Variants in GAB4 observed in about 807,000 individuals in gnomAD.
The protein encoded by GAB4 is GRB2 associated binding protein family member 4, also known as GRB2-associated-binding protein 4.
A neutral mutation model predicts 51.3 loss-of-function variants in GAB4; 26 were observed. The ratio of observed to expected loss-of-function variants is 0.51; its 90% CI spans 0.37 to 0.70. The LOEUF is 0.70. GAB4 is among the 30% of genes least tolerant of loss of function. The probability of loss-of-function intolerance (pLI) is 0.00; values close to 1 mark genes in which losing one functional copy is unlikely to be tolerated. For synonymous variants in GAB4, 329 were observed against 291.2 expected, an observed-to-expected ratio of 1.13 and a Z score of -1.32; for missense variants, 759 against 734.6, an observed-to-expected ratio of 1.03 and a Z score of -0.38.
chr22:16,968,773 T>C (rs1317243214), intron 4 of GAB4, among the ~76,000 whole-genome samples: 1 of 152,228 alleles, frequency 6.6e-6, no homozygotes, highest in Admixed American at 6.5e-5. Flanking sequence ...ACAGCAAACA[T>C]GTTTTATATA....
chr22:16,977,581 C>T lies in GAB4; in HGVS notation c.687-7388G>A, dbSNP rs566055108. Among the ~76,000 whole-genome samples, 4 of 152,218 alleles carry T rather than the reference C, an allele frequency of 2.6e-5. No individual in the cohort carries two copies. The South Asian group carries it at 8.3e-4, about 32-fold the overall frequency. On this transcript the variant is annotated intron_variant, in intron 3 of 9. Coordinates refer to ENST00000400588, the MANE Select transcript of GAB4 (RefSeq NM_001037814.1). ...ACTCCCACACAATAATAATGGGAGA[C>T]TTTAATACCCCACTGTCAATATTAG...
chr22:16,994,708 A>G (rs1040917289), intron 1 of GAB4, among the ~76,000 whole-genome samples: 5 of 152,208 alleles, frequency 3.3e-5, no homozygotes, highest in Non-Finnish European at 7.3e-5. Flanking sequence ...GTTCCTGTAT[A>G]TCCAATCATG....
chr22:16,998,575 G>A lies in GAB4; in HGVS notation c.175-6399C>T, dbSNP rs550687092. ...GACGATGGGGTTTTCTAAATATACA[G>A]TTATGTCATCTGCAAACAGGGACAA... On this transcript the variant is annotated intron_variant, in intron 1 of 9. Coordinates refer to ENST00000400588, the MANE Select transcript of GAB4 (RefSeq NM_001037814.1). 5.9e-5 allele frequency among the ~76,000 whole-genome samples: 9 copies of A among 152,218 alleles called. No homozygotes were observed. In the South Asian group the frequency reaches 1.9e-3, roughly 32 times the overall value.
chr22:17,008,213 G>A lies in GAB4; in HGVS notation c.-99C>T, dbSNP rs892414877. The stretch of plus-strand genomic sequence containing the variant: ...GGCTTGCGATACCCTGGGACTGCGG[G>A]GTAGAAAGCGCAGTTCTAGGGGAGG... On this transcript the variant is annotated 5_prime_UTR_variant, in exon 1 of 10. Transcript: ENST00000400588. The A allele has an allele frequency of 7.0e-6, 6 of 851,772 alleles. No homozygotes were observed. The African/African-American group carries it at 1.0e-4, about 14-fold the overall frequency. 52.8% of individuals were successfully genotyped at this position (851,772 alleles called of 1,614,324 possible).
chr22:16,974,496 G>A (rs1000650318), intron 3 of GAB4, among the ~76,000 whole-genome samples: 6 of 152,156 alleles, frequency 3.9e-5, no homozygotes, highest in African/African-American at 1.2e-4. Flanking sequence ...AGCCAGCAGC[G>A]CAGTGCACCT....
intron 3 of GAB4, among the ~76,000 whole-genome samples, chr22:16,977,995 C>T (rs1056498151): frequency 6.6e-6 from 1 of 151,922 alleles, no homozygotes; most frequent in African/African-American, 2.4e-5. Flanking sequence ...AGAACAAAGA[C>T]ACAATGTACC....
intron 8 of GAB4, 94 bp downstream of exon 8, chr22:16,964,668 GGTGA>G: frequency 1.3e-6 from 1 of 786,764 alleles, no homozygotes; most frequent in Non-Finnish European, 2.1e-6. Context: ...ACTGGGCTGG[GGTGA>G]GTCAGCTGAG....
chr22:16,991,618 C>T (rs963696639), intron 2 of GAB4, among the ~76,000 whole-genome samples: 4 of 152,106 alleles, frequency 2.6e-5, no homozygotes, highest in Admixed American at 6.6e-5. Context: ...CAGTAGAAGG[C>T]GAAGGAGAGG....
chr22:17,007,975 C>G lies in GAB4; in HGVS notation c.140G>C (p.Arg47Thr). The G allele has an allele frequency of 6.2e-7, 1 of 1,600,254 alleles. No homozygotes were observed. The highest frequency in any genetic ancestry group is 8.5e-7 in the Non-Finnish European group (1 of 1,171,652). The change falls in exon 1 of 10, where the codon AGG becomes ACG. Residue 47 changes from arginine to threonine, a missense_variant. Arg to Thr is a moderately conservative substitution (Grantham distance 71, BLOSUM62 -1). This residue lies in a region of GAB4 where 83 missense variants were observed against 73.1 expected (regional missense o/e 1.14). Coordinates refer to ENST00000400588, the MANE Select transcript of GAB4 (RefSeq NM_001037814.1). ...CAGCTTCTTCTCGGGGGGCGACTTC[C>G]TCAGCCAGCCGCTGTACAGCACGTG... ...SGHVLYSGWL[R>T]KSPPEKKLRL...
At chr22:16,972,050 G>A (rs2060736465) in intron 3 of GAB4, among the ~76,000 whole-genome samples, 1 of 152,252 alleles carries the variant, frequency 6.6e-6, no homozygotes, top group East Asian at 1.9e-4. Context: ...TGTCTTTGGT[G>A]CCTTTCACTT....
Position 16,970,097 on chromosome 22 carries a change from A to G in GAB4, c.783T>C (p.Asp261=), listed in dbSNP as rs2060717522. ...NLAQHSGYSV[D]GVSGHIHGFH... ...AGCCATGGATGTGACCGCTGACCCC[A>G]TCAACACTGTATCCACTGTGCTGGG... The change falls in exon 4 of 10, where the codon GAT becomes GAC. Residue 261 remains aspartate (D), a synonymous_variant. Coordinates refer to ENST00000400588, the MANE Select transcript of GAB4 (RefSeq NM_001037814.1). 2 of 1,614,030 alleles carry G rather than the reference A, an allele frequency of 1.2e-6. No homozygotes were observed. Among genetic ancestry groups the G allele is most frequent in the Non-Finnish European group, 8.5e-7 (1 of 1,180,028 alleles).
At position 17,003,081 on chromosome 22, in the gene GAB4, AG is replaced by A. The variant is rs199730379; in HGVS notation, c.174+4859del. On this transcript the variant is annotated intron_variant, in intron 1 of 9. Coordinates refer to ENST00000400588, the MANE Select transcript of GAB4 (RefSeq NM_001037814.1). ...AAACCAACAAACATCAAAAACGAAA[AG>A]AAGGGCATTAAATAATGGTAAAGGG... Among the ~76,000 whole-genome samples the A allele has an allele frequency of 8.5e-4, 129 of 152,300 alleles. 3 individuals carry two copies. In the East Asian group the frequency reaches 0.023, roughly 27 times the overall value.
At chr22:16,972,528 G>A (rs567069197) in intron 3 of GAB4, among the ~76,000 whole-genome samples, 2 of 152,210 alleles carry the variant, frequency 1.3e-5, no homozygotes, top group Non-Finnish European at 2.9e-5. Flanking sequence ...GGATGTCAAG[G>A]TGGGGATGGG....
chr22:16,977,291 G>A (rs1489851445), intron 3 of GAB4, among the ~76,000 whole-genome samples: 1 of 150,306 alleles, frequency 6.7e-6, no homozygotes, highest in Non-Finnish European at 1.5e-5. Context: ...CACGTGCAAA[G>A]ACACAGATAG....
At chr22:16,994,933 C>A (rs965196669) in intron 1 of GAB4, among the ~76,000 whole-genome samples, 2 of 152,174 alleles carry the variant, frequency 1.3e-5, no homozygotes, top group Non-Finnish European at 2.9e-5. Context: ...ACAGATACGA[C>A]TAATTTTCTA....
intron 3 of GAB4, among the ~76,000 whole-genome samples, chr22:16,987,690 T>TC (rs1316772062): frequency 6.6e-6 from 1 of 152,200 alleles, no homozygotes. Context: ...AATGCTTTTT[T>TC]CCCCACAATC....
In GAB4 at chr22:16,989,355, T is replaced by C. The variant is rs1449483456; in HGVS notation, c.479-1188A>G. Among the ~76,000 whole-genome samples, 4 of 152,246 alleles carry C rather than the reference T, an allele frequency of 2.6e-5. No individual in the cohort carries two copies. In the East Asian group the frequency reaches 7.7e-4, roughly 29 times the overall value. On this transcript the variant is annotated intron_variant, in intron 2 of 9. Coordinates refer to ENST00000400588, the MANE Select transcript of GAB4 (RefSeq NM_001037814.1). ...GCAGAGTTCTCTTTCTGCCCCCTGA[T>C]ATCTGGCCTATTTCTGGCTGTGCCA...
chr22:16,991,734 A>G, intron 2 of GAB4, 139 bp downstream of exon 2: 1 of 723,772 alleles, frequency 1.4e-6, no homozygotes, highest in Non-Finnish European at 2.4e-6. Context: ...GTGTCTGAAG[A>G]AACACCAAAA....
At position 16,979,229 on chromosome 22, in the gene GAB4, G is replaced by A. The variant is rs144588120; in HGVS notation, c.686+8731C>T. 4.0e-3 allele frequency among the ~76,000 whole-genome samples: 616 copies of A among 152,292 alleles called. 3 individuals carry two copies. Among genetic ancestry groups the A allele is most frequent in the African/African-American group, 0.014 (583 of 41,558 alleles). ...AAAGGGTATTCAATTTGGAAAAGAG[G>A]AAGTCAAGTTGTCTCTGTTTGCAGA... On this transcript the variant is annotated intron_variant, in intron 3 of 9. Transcript: ENST00000400588.
Sources: allele counts gnomAD v4.1 joint callset (sites outside exome capture counted in the v4.1 genomes callset), GRCh38; gene constraint gnomAD v4.1.1; regional missense constraint gnomAD v4.1.1; transcripts MANE v1.5; gene names NCBI Gene and HGNC (gene_info 2026-07-23, HGNC 2026-07-21).